The following MTUS2 variants were observed in gnomAD, a reference collection of about 807,000 sequenced individuals.
The protein encoded by MTUS2 is microtubule associated scaffold protein 2.
MTUS2 carries 40 observed loss-of-function variants against 114.1 expected under a neutral mutation model. That is an observed-to-expected ratio of 0.35 (90% CI 0.27 to 0.46). The LOEUF is 0.46. Among genes scored for constraint, MTUS2 ranks in the 20% least tolerant of loss-of-function variants. MTUS2 has a pLI of 1.00. For synonymous variants in MTUS2, 688 were observed against 672.0 expected (o/e 1.02, Z -0.37); for missense variants, 1,679 against 1,705.4 (o/e 0.98, Z 0.27).
At chr13:29,041,885 T>C (rs1361420019) in intron 4 of MTUS2, among the ~76,000 whole-genome samples, 1 of 152,188 alleles carries the variant, frequency 6.6e-6, no homozygotes, top group Non-Finnish European at 1.5e-5. Context: ...TAGGGTTTTC[T>C]AGGTACACCA....
chr13:29,232,851 T>G (rs1896387520), intron 5 of MTUS2, among the ~76,000 whole-genome samples: 1 of 152,214 alleles, frequency 6.6e-6, no homozygotes, highest in Admixed American at 6.5e-5. Context: ...AATGTCTGTA[T>G]TAAACGTTGT....
chr13:28,996,388 G>T (rs1157775326), intron 2 of MTUS2, among the ~76,000 whole-genome samples: 4 of 152,098 alleles, frequency 2.6e-5, no homozygotes, highest in African/African-American at 4.8e-5. Flanking sequence ...GCCAGGCTTT[G>T]GTATCAGGAT....
At chr13:28,822,049 G>T (rs753283557) in intron 1 of MTUS2, among the ~76,000 whole-genome samples, 4 of 152,208 alleles carry the variant, frequency 2.6e-5, no homozygotes, top group Non-Finnish European at 5.9e-5. Flanking sequence ...TGTTTACACG[G>T]TAAAGTAAGT....
intron 5 of MTUS2, among the ~76,000 whole-genome samples, chr13:29,152,778 T>A (rs1289745900): frequency 1.3e-5 from 2 of 151,830 alleles, no homozygotes; most frequent in Non-Finnish European, 2.9e-5. Flanking sequence ...AGAAGTGACA[T>A]CCCATATGTT....
chr13:29,344,162 A>C (rs1417016788), intron 7 of MTUS2, among the ~76,000 whole-genome samples: 3 of 152,040 alleles, frequency 2.0e-5, no homozygotes, highest in African/African-American at 4.8e-5. Context: ...TCTGTTAAGT[A>C]CATTTTTTCT....
intron 8 of MTUS2, among the ~76,000 whole-genome samples, chr13:29,371,306 T>C (rs13378592): frequency 0.21 from 30,888 of 149,336 alleles, 3,249 homozygotes; most frequent in Middle Eastern, 0.25. Context: ...CAACCTCTGC[T>C]TCCTGGGTTC....
chr13:28,892,663 T>C (rs1054546326), intron 2 of MTUS2, among the ~76,000 whole-genome samples: 7 of 152,206 alleles, frequency 4.6e-5, no homozygotes, highest in Non-Finnish European at 8.8e-5. Context: ...TTTTCCTTCT[T>C]GACACTTCTC....
chr13:29,164,362 A>G (rs1181840262), intron 5 of MTUS2, among the ~76,000 whole-genome samples: 1 of 152,214 alleles, frequency 6.6e-6, no homozygotes, highest in Non-Finnish European at 1.5e-5. Context: ...AGTCAGCAGC[A>G]CTGTGCATTG....
At chr13:29,167,689 ATCCAAAATGC>A (rs1169601196) in intron 5 of MTUS2, among the ~76,000 whole-genome samples, 2 of 152,114 alleles carry the variant, frequency 1.3e-5, no homozygotes, top group Non-Finnish European at 2.9e-5. Flanking sequence ...AAAATTTGTA[ATCCAAAATGC>A]TCCAAAATCC....
intron 5 of MTUS2, among the ~76,000 whole-genome samples, chr13:29,217,814 TG>T (rs1320441815): frequency 6.6e-6 from 1 of 152,238 alleles, no homozygotes; most frequent in East Asian, 1.9e-4. Context: ...AATTCTTTTT[TG>T]TCATTTCAAC....
chr13:29,368,223 C>A (rs1870901076), intron 8 of MTUS2, among the ~76,000 whole-genome samples: 1 of 151,916 alleles, frequency 6.6e-6, no homozygotes, highest in African/African-American at 2.4e-5. Context: ...TGGGCGTGAG[C>A]CACTGCACCC....
intron 4 of MTUS2, among the ~76,000 whole-genome samples, chr13:29,092,768 C>T (rs1191979173): frequency 6.8e-6 from 1 of 148,088 alleles, no homozygotes; most frequent in East Asian, 2.1e-4. Context: ...GGCAAAGTGA[C>T]AGAAAAATCA....
chr13:29,344,836 A>G (rs889779647), intron 7 of MTUS2, among the ~76,000 whole-genome samples: 5 of 152,160 alleles, frequency 3.3e-5, no homozygotes, highest in African/African-American at 9.7e-5. Flanking sequence ...CCCTTTAGCA[A>G]TCTTGTAGTT....
intron 5 of MTUS2, among the ~76,000 whole-genome samples, chr13:29,278,972 G>A (rs576384482): frequency 1.2e-4 from 18 of 152,232 alleles, no homozygotes; most frequent in African/African-American, 4.3e-4. Flanking sequence ...ATGAAAAACT[G>A]ACTTGTTGTA....
At chr13:29,466,876 C>CAAAAAAA (rs11296600) in intron 9 of MTUS2, among the ~76,000 whole-genome samples, 38 of 87,582 alleles carry the variant, frequency 4.3e-4, no homozygotes, top group African/African-American at 1.3e-3. Context: ...GACCTCATCT[C>CAAAAAAA]AAAAAAAAAA....
intron 4 of MTUS2, among the ~76,000 whole-genome samples, chr13:29,085,100 C>G (rs941499645): frequency 7.2e-5 from 11 of 152,156 alleles, no homozygotes; most frequent in Non-Finnish European, 1.2e-4. Flanking sequence ...CCTTCTTTCT[C>G]TCTTTCTCCC....
chr13:29,025,596 C>A lies in MTUS2; in HGVS notation c.898C>A (p.Gln300Lys). 6.2e-7 allele frequency: 1 copy of A among 1,613,954 alleles called. No homozygotes were observed. Among genetic ancestry groups the A allele is most frequent in the South Asian group, 1.1e-5 (1 of 91,078 alleles). ...SKEIPSKLEAQLGQGKGEAKL... is the reference protein window; with the variant it reads ...SKEIPSKLEAKLGQGKGEAKL... ...GGAAATCCCAAGTAAACTGGAAGCA[C>A]AATTAGGTCAGGGAAAGGGAGAGGC... The change falls in exon 3 of 16, where the codon CAA becomes AAA. Residue 300 changes from glutamine (Q) to lysine (K), a missense_variant. By Grantham distance (53) the Gln-to-Lys change is moderately conservative. Transcript: ENST00000612955.
chr13:29,117,106 T>A (rs367785874), intron 5 of MTUS2, among the ~76,000 whole-genome samples: 1 of 152,210 alleles, frequency 6.6e-6, no homozygotes, highest in African/African-American at 2.4e-5. Context: ...TTCATGATAC[T>A]TTCTCTAGTT....
intron 9 of MTUS2, among the ~76,000 whole-genome samples, chr13:29,441,245 C>T (rs980505866): frequency 3.9e-5 from 6 of 152,034 alleles, no homozygotes; most frequent in African/African-American, 1.4e-4. Context: ...AGGCTTCTTC[C>T]AACAGTCGGC....
Sources: gnomAD v4.1 joint callset for allele counts (sites outside exome capture counted in the v4.1 genomes callset) on GRCh38, gnomAD v4.1.1 for gene constraint, MANE v1.5 for transcripts, NCBI Gene and HGNC (gene_info 2026-07-23, HGNC 2026-07-21) for gene names.